Variants in PKIB observed in about 807,000 individuals in gnomAD.
PKIB encodes PKI-beta.
Under a neutral mutation model 4.5 loss-of-function variants are expected in PKIB, and 2 were observed. The observed-to-expected ratio is 0.44, with a 90% CI of 0.18 to 1.39. The LOEUF (loss-of-function observed/expected upper bound fraction) is 1.39. Ranked by LOEUF, PKIB falls within the 40% of genes most tolerant of loss-of-function variation. The pLI is 0.27. For missense variants in PKIB, 94 were observed against 92.6 expected, an observed-to-expected ratio of 1.02 and a Z score of -0.06; for synonymous variants, 38 against 36.0, an observed-to-expected ratio of 1.06 and a Z score of -0.20.
intron 3 of PKIB, among the ~76,000 whole-genome samples, chr6:122,685,823 C>T (rs1404599601): frequency 6.6e-6 from 1 of 152,124 alleles, no homozygotes; most frequent in African/African-American, 2.4e-5. Flanking sequence ...CCTTCCCAGC[C>T]TCTGGTAACC....
chr6:122,472,883 C>T (rs1775344777), intron 1 of PKIB, among the ~76,000 whole-genome samples: 1 of 152,144 alleles, frequency 6.6e-6, no homozygotes, highest in Non-Finnish European at 1.5e-5. Flanking sequence ...GAGGCTGAGG[C>T]AGGCGGGTCA....
intron 3 of PKIB, among the ~76,000 whole-genome samples, chr6:122,711,195 T>TA (rs1483991255): frequency 6.6e-6 from 1 of 152,130 alleles, no homozygotes; most frequent in Admixed American, 6.6e-5. Context: ...GCTAATGTAT[T>TA]AAAAAGGAAA....
chr6:122,703,438 C>T (rs1778914876), intron 3 of PKIB, among the ~76,000 whole-genome samples: 2 of 152,206 alleles, frequency 1.3e-5, no homozygotes, highest in South Asian at 4.2e-4. Flanking sequence ...TGTGATAAGA[C>T]TACTGTTTTT....
At chr6:122,494,862 C>A (rs773472227) in intron 2 of PKIB, among the ~76,000 whole-genome samples, 1 of 152,180 alleles carries the variant, frequency 6.6e-6, no homozygotes, top group South Asian at 2.1e-4. Context: ...ACACTTCCTC[C>A]GTGAACCTTG....
chr6:122,576,578 G>C (rs937145462), intron 2 of PKIB, among the ~76,000 whole-genome samples: 3 of 146,910 alleles, frequency 2.0e-5, no homozygotes, highest in African/African-American at 7.5e-5. Flanking sequence ...TGAGGCAGGA[G>C]AATGGCGTGA....
intron 2 of PKIB, among the ~76,000 whole-genome samples, chr6:122,505,955 G>A (rs960284929): frequency 3.3e-5 from 5 of 152,074 alleles, no homozygotes; most frequent in Non-Finnish European, 7.4e-5. Context: ...GACATATTTT[G>A]TAGTTTGAAT....
At chr6:122,639,275 A>G (rs1238548596) in intron 2 of PKIB, among the ~76,000 whole-genome samples, 2 of 152,212 alleles carry the variant, frequency 1.3e-5, no homozygotes, top group Non-Finnish European at 2.9e-5. Context: ...ACCAACAAAC[A>G]AAGGAGCAGA....
intron 3 of PKIB, among the ~76,000 whole-genome samples, chr6:122,678,403 C>T (rs1777768832): frequency 6.6e-6 from 1 of 152,134 alleles, no homozygotes; most frequent in South Asian, 2.1e-4. Flanking sequence ...CCTTCTTGGT[C>T]TTTATGTTAG....
At chr6:122,615,952 A>G (rs1469347174) in intron 1 of PKIB, among the ~76,000 whole-genome samples, 1 of 152,172 alleles carries the variant, frequency 6.6e-6, no homozygotes, top group East Asian at 1.9e-4. Flanking sequence ...TAAGTCACTC[A>G]GTTTGTGGTA....
At chr6:122,693,944 C>G (rs7752107) in intron 3 of PKIB, among the ~76,000 whole-genome samples, 72,992 of 151,986 alleles carry the variant, frequency 0.48, 18,292 homozygotes, top group Non-Finnish European at 0.56. Context: ...TATTGAGAAA[C>G]TTAATTTTGA....
At chr6:122,591,609 T>A (rs1474254317) in intron 3 of PKIB, among the ~76,000 whole-genome samples, 1 of 152,242 alleles carries the variant, frequency 6.6e-6, no homozygotes, top group Non-Finnish European at 1.5e-5. Context: ...ATTAGTATGA[T>A]GCTGAGCCAA....
intron 3 of PKIB, among the ~76,000 whole-genome samples, chr6:122,601,048 A>C (rs2114740510): frequency 6.7e-6 from 1 of 149,016 alleles, no homozygotes; most frequent in African/African-American, 2.4e-5. Context: ...ACAGCAGTTT[A>C]AATATGACAG....
chr6:122,606,182 T>C (rs1340465511), upstream of PKIB, among the ~76,000 whole-genome samples: 2 of 152,160 alleles, frequency 1.3e-5, no homozygotes, highest in East Asian at 3.8e-4. Context: ...ATGCCAACAG[T>C]AGAGAAGAAA....
intron 1 of PKIB, among the ~76,000 whole-genome samples, chr6:122,475,659 G>A (rs954314705): frequency 6.6e-6 from 1 of 151,568 alleles, no homozygotes; most frequent in African/African-American, 2.4e-5. Flanking sequence ...GGTGGCATGC[G>A]TCTGTAGTCC....
At chr6:122,497,863 C>A (rs1043777542) in intron 2 of PKIB, among the ~76,000 whole-genome samples, 4 of 152,138 alleles carry the variant, frequency 2.6e-5, no homozygotes, top group Non-Finnish European at 4.4e-5. Flanking sequence ...CAACTGGACA[C>A]AATAGGCATC....
intron 2 of PKIB, among the ~76,000 whole-genome samples, chr6:122,542,722 G>A (rs543854137): frequency 6.6e-6 from 1 of 152,238 alleles, no homozygotes; most frequent in South Asian, 2.1e-4. Context: ...CGTGCTTGGA[G>A]AACCACTACT....
intron 3 of PKIB, among the ~76,000 whole-genome samples, chr6:122,690,934 T>TATATATATATA (rs1485299018): frequency 1.6e-3 from 196 of 119,508 alleles, no homozygotes; most frequent in African/African-American, 6.0e-3. Context: ...ATATATATAT[T>TATATATATATA]TTTTTTTTTT....
At chr6:122,507,674 T>C (rs1172752686) in intron 2 of PKIB, among the ~76,000 whole-genome samples, 1 of 152,050 alleles carries the variant, frequency 6.6e-6, no homozygotes, top group Non-Finnish European at 1.5e-5. Context: ...TAAAAATTTT[T>C]TTTTTTTTTT....
chr6:122,532,598 C>A (rs1168464783), intron 2 of PKIB, among the ~76,000 whole-genome samples: 3 of 152,154 alleles, frequency 2.0e-5, no homozygotes, highest in Non-Finnish European at 4.4e-5. Flanking sequence ...TCCTATATAT[C>A]CCATATAGAT....
Sources: gnomAD v4.1 joint callset for allele counts (sites outside exome capture counted in the v4.1 genomes callset) on GRCh38, gnomAD v4.1.1 for gene constraint, MANE v1.5 for transcripts, NCBI Gene and HGNC (gene_info 2026-07-23, HGNC 2026-07-21) for gene names.